The following FHAD1 variants were observed in gnomAD, a reference collection of about 807,000 sequenced individuals.
FHAD1 encodes the protein forkhead-associated domain-containing protein 1.
In FHAD1, 146 loss-of-function variants were observed where a neutral mutation model predicts 191.3. The ratio of observed to expected loss-of-function variants is 0.76; its 90% CI spans 0.67 to 0.88. The LOEUF (loss-of-function observed/expected upper bound fraction) is 0.88, where lower values mean the gene tolerates loss of function less well. Ranked by LOEUF, FHAD1 falls within the 40% of genes least tolerant of loss-of-function variation. The pLI is 0.00. For missense variants in FHAD1, 1,635 were observed against 1,785.8 expected (o/e 0.92, Z 1.52); for synonymous variants, 616 against 672.3 (o/e 0.92, Z 1.29).
intron 11 of FHAD1, chr1:15,326,858 A>G: frequency 3.6e-6 from 2 of 548,768 alleles, no homozygotes; most frequent in Admixed American, 3.3e-5. Flanking sequence ...GTGCCTAAAA[A>G]GTAATTAAAG....
intron 32 of FHAD1, among the ~76,000 whole-genome samples, chr1:15,390,435 G>A (rs534825352): frequency 6.6e-6 from 1 of 151,336 alleles, no homozygotes; most frequent in East Asian, 1.9e-4. Context: ...GTGACACTAG[G>A]CCCACAGTCC....
intron 3 of FHAD1, among the ~76,000 whole-genome samples, 156 bp downstream of exon 3, chr1:15,272,685 G>C (rs1656620779): frequency 6.6e-6 from 1 of 152,222 alleles, no homozygotes; most frequent in African/African-American, 2.4e-5. Flanking sequence ...GTGGAGTTCT[G>C]AGTCATTCTG....
At chr1:15,341,673 G>C (rs1414524174) in intron 15 of FHAD1, 63 bp from the exon 16 acceptor site, 1 of 1,387,020 alleles carries the variant, frequency 7.2e-7, no homozygotes, top group Admixed American at 2.5e-5. Context: ...TAAACAAATG[G>C]GGAAAGACTC....
At chr1:15,314,469 G>A (rs1246449651) in intron 8 of FHAD1, 1 of 152,182 alleles carries the variant, frequency 6.6e-6, no homozygotes, top group Non-Finnish European at 1.5e-5. Flanking sequence ...AATCAGTTTT[G>A]AGAAGTGAGA....
At chr1:15,363,595 C>T (rs1472592225) in intron 23 of FHAD1, 4 of 343,924 alleles carry the variant, frequency 1.2e-5, no homozygotes, top group Non-Finnish European at 2.3e-5. Context: ...AGAGGCAAGC[C>T]CACTCACAGG....
intron 24 of FHAD1, 24 bp downstream of exon 24, chr1:15,365,957 T>C (rs1248631097): frequency 1.4e-6 from 2 of 1,464,934 alleles, no homozygotes; most frequent in Non-Finnish European, 1.9e-6. Context: ...CTGGTGTCTC[T>C]TGACCTCCTG....
chr1:15,323,760 T>C (rs368629053), intron 10 of FHAD1, among the ~76,000 whole-genome samples: 2 of 151,910 alleles, frequency 1.3e-5, no homozygotes, highest in East Asian at 3.9e-4. Context: ...TCACCTCGAG[T>C]TGCCCATTAC....
At chr1:15,334,419 T>A (rs1480108950) in intron 14 of FHAD1, 2 of 152,140 alleles carry the variant, frequency 1.3e-5, no homozygotes, top group African/African-American at 4.8e-5. Context: ...CGCATCTGAT[T>A]CCTACCCTGA....
chr1:15,275,241 C>T (rs1415337551), intron 3 of FHAD1, among the ~76,000 whole-genome samples: 2 of 152,178 alleles, frequency 1.3e-5, no homozygotes, highest in African/African-American at 2.4e-5. Context: ...GGATTACAGG[C>T]GTGAGCCACC....
At chr1:15,295,980 C>G (rs1007966910) in intron 4 of FHAD1, among the ~76,000 whole-genome samples, 1 of 152,234 alleles carries the variant, frequency 6.6e-6, no homozygotes, top group African/African-American at 2.4e-5. Flanking sequence ...TTACTCTTCA[C>G]AGTAGCCCTT....
Position 15,385,207 on chromosome 1 carries a change from C to T in FHAD1, c.4189-2844C>T, listed in dbSNP as rs368626781. Among the ~76,000 whole-genome samples the T allele has an allele frequency of 9.9e-5, 15 of 151,294 alleles. 1 individual carries two copies. In the South Asian group the frequency reaches 2.9e-3, roughly 29 times the overall value. On this transcript the variant is annotated intron_variant, in intron 31 of 33. Transcript: ENST00000688493. Reference sequence around the variant, plus strand: ...AGTTTTTTTTCAGTGGTGCAAGACTCGAAAGGGAACCTGTATACATCTGTT... The same window carrying T: ...AGTTTTTTTTCAGTGGTGCAAGACTTGAAAGGGAACCTGTATACATCTGTT...
intron 20 of FHAD1, among the ~76,000 whole-genome samples, chr1:15,353,270 A>G (rs1244906318): frequency 6.6e-6 from 1 of 152,176 alleles, no homozygotes; most frequent in African/African-American, 2.4e-5. Context: ...TCAGCTGCCC[A>G]TGTTAGCATG....
At chr1:15,266,781 A>C (rs1653717937) in intron 2 of FHAD1, among the ~76,000 whole-genome samples, 2 of 152,252 alleles carry the variant, frequency 1.3e-5, no homozygotes, top group South Asian at 4.1e-4. Context: ...CCTGGCAACC[A>C]CAAATCTTTC....
intron 16 of FHAD1, among the ~76,000 whole-genome samples, chr1:15,344,794 A>G (rs937425847): frequency 6.6e-6 from 1 of 152,180 alleles, no homozygotes; most frequent in African/African-American, 2.4e-5. Flanking sequence ...CACCCCTCAC[A>G]TCAACCCAAC....
At chr1:15,341,558 T>C (rs1457049081) in intron 15 of FHAD1, among the ~76,000 whole-genome samples, 178 bp from the exon 16 acceptor site, 1 of 152,242 alleles carries the variant, frequency 6.6e-6, no homozygotes, top group South Asian at 2.1e-4. Context: ...GCTGGGATTC[T>C]TTCTAGATCC....
intron 14 of FHAD1, among the ~76,000 whole-genome samples, chr1:15,331,853 C>T (rs960913689): frequency 5.9e-5 from 9 of 152,160 alleles, no homozygotes; most frequent in Admixed American, 2.0e-4. Context: ...AACTTTGCTC[C>T]ATGTTTTGCC....
At chr1:15,341,019 TA>T (rs1185752882) in intron 15 of FHAD1, among the ~76,000 whole-genome samples, 1 of 151,984 alleles carries the variant, frequency 6.6e-6, no homozygotes, top group Admixed American at 6.5e-5. Flanking sequence ...CCATCTCTAC[TA>T]AAAATACCAA....
intron 24 of FHAD1, among the ~76,000 whole-genome samples, chr1:15,366,517 T>C (rs1436446166): frequency 6.6e-6 from 1 of 152,160 alleles, no homozygotes; most frequent in African/African-American, 2.4e-5. Flanking sequence ...AGGGATAATT[T>C]TCCTTTAGCA....
chr1:15,353,704 C>CAAAAAAAAAAAAAAAAAAAAAAAA (rs60518389), intron 20 of FHAD1, among the ~76,000 whole-genome samples: 5 of 60,984 alleles, frequency 8.2e-5, no homozygotes, highest in Non-Finnish European at 1.4e-4. Context: ...GACTCCATCT[C>CAAAAAAAAAAAAAAAAAAAAAAAA]AAAAAAAAAA....
Sources: gnomAD v4.1 joint callset for allele counts (sites outside exome capture counted in the v4.1 genomes callset) on GRCh38, gnomAD v4.1.1 for gene constraint, MANE v1.5 for transcripts, NCBI Gene and HGNC (gene_info 2026-07-23, HGNC 2026-07-21) for gene names.